Variants in ATG10 observed in about 807,000 individuals in gnomAD.
ATG10 encodes ubiquitin-like-conjugating enzyme ATG10.
Under a neutral mutation model 32.1 loss-of-function variants are expected in ATG10, and 30 were observed. That is an observed-to-expected ratio of 0.94 (90% CI 0.70 to 1.27). ATG10 has a LOEUF of 1.27. ATG10 is among the 50% of genes most tolerant of loss of function. The pLI is 0.00. For missense variants in ATG10, 233 were observed against 262.3 expected, an observed-to-expected ratio of 0.89 and a Z score of 0.77; for synonymous variants, 87 against 91.5, an observed-to-expected ratio of 0.95 and a Z score of 0.28.
At chr5:82,186,042 A>G (rs1479167970) in intron 5 of ATG10, among the ~76,000 whole-genome samples, 1 of 152,170 alleles carries the variant, frequency 6.6e-6, no homozygotes, top group Non-Finnish European at 1.5e-5. Context: ...AATTTAGTGC[A>G]CCTGGTAGTA....
At chr5:82,088,903 T>C (rs748990825) in intron 3 of ATG10, among the ~76,000 whole-genome samples, 3 of 152,204 alleles carry the variant, frequency 2.0e-5, no homozygotes, top group Admixed American at 6.5e-5. Context: ...CAAAGTCTAA[T>C]AAAATTCATT....
At chr5:82,065,592 G>A (rs1029807463) in intron 3 of ATG10, among the ~76,000 whole-genome samples, 2 of 151,888 alleles carry the variant, frequency 1.3e-5, no homozygotes, top group Non-Finnish European at 2.9e-5. Flanking sequence ...TCATAAATGG[G>A]TATTGATACT....
chr5:82,029,742 A>G (rs1417379724), intron 2 of ATG10, among the ~76,000 whole-genome samples: 1 of 152,156 alleles, frequency 6.6e-6, no homozygotes, highest in African/African-American at 2.4e-5. Context: ...AATAAATTAT[A>G]CTAACATTTT....
At chr5:82,010,174 A>AC in intron 2 of ATG10, 1 of 1,206,412 alleles carries the variant, frequency 8.3e-7, no homozygotes, top group Non-Finnish European at 1.2e-6. Context: ...GGTCTTGGAG[A>AC]ATGTTTCCAA....
At chr5:82,009,492 A>G (rs1171735942) in intron 2 of ATG10, 1 of 893,728 alleles carries the variant, frequency 1.1e-6, no homozygotes, top group East Asian at 2.4e-5. Context: ...AACTGCAGCG[A>G]GAGCACAAAG....
intron 5 of ATG10, among the ~76,000 whole-genome samples, chr5:82,232,261 T>C (rs1050582059): frequency 2.0e-5 from 3 of 152,162 alleles, no homozygotes; most frequent in African/African-American, 7.2e-5. Context: ...AGTAAAGAAT[T>C]AATGCTTGGA....
At chr5:82,123,524 T>TAAA (rs371845829) in intron 3 of ATG10, among the ~76,000 whole-genome samples, 1 of 138,412 alleles carries the variant, frequency 7.2e-6, no homozygotes, top group Non-Finnish European at 1.6e-5. Context: ...AAAATAAAAG[T>TAAA]AAAAAAAAAA....
At chr5:82,182,632 T>G (rs1744278976) in intron 5 of ATG10, among the ~76,000 whole-genome samples, 1 of 151,968 alleles carries the variant, frequency 6.6e-6, no homozygotes, top group South Asian at 2.1e-4. Context: ...AGTTGCAGAG[T>G]GTTTGATTCC....
intron 2 of ATG10, chr5:82,009,750 C>G (rs565521959): frequency 1.2e-6 from 2 of 1,604,110 alleles, no homozygotes; most frequent in African/African-American, 1.3e-5. Flanking sequence ...CTTGGCAGTG[C>G]AGATGAAAAA....
chr5:82,228,308 G>T (rs2150001968), intron 5 of ATG10, among the ~76,000 whole-genome samples: 1 of 151,476 alleles, frequency 6.6e-6, no homozygotes, highest in African/African-American at 2.4e-5. Context: ...TTATATATTT[G>T]CTTATCAAAT....
At chr5:82,220,453 G>C (rs1437868364) in intron 5 of ATG10, among the ~76,000 whole-genome samples, 2 of 151,990 alleles carry the variant, frequency 1.3e-5, no homozygotes, top group East Asian at 2.0e-4. Context: ...TAGTAGAGAT[G>C]GGGTTTCACT....
chr5:82,009,562 T>G, intron 2 of ATG10: 6 of 1,519,714 alleles, frequency 3.9e-6, no homozygotes, highest in Non-Finnish European at 5.4e-6. Flanking sequence ...ACAGAAGGAA[T>G]GGTCTGGTGG....
At chr5:82,073,182 G>A (rs1315559858) in intron 3 of ATG10, 1 of 152,122 alleles carries the variant, frequency 6.6e-6, no homozygotes, top group Non-Finnish European at 1.5e-5. Flanking sequence ...TTAAGACCTA[G>A]AACACTCCAC....
At chr5:82,006,041 T>C (rs1761978975) in intron 2 of ATG10, among the ~76,000 whole-genome samples, 1 of 152,166 alleles carries the variant, frequency 6.6e-6, no homozygotes, top group African/African-American at 2.4e-5. Flanking sequence ...CTAATTTATA[T>C]ATAGTAAAAA....
intron 2 of ATG10, among the ~76,000 whole-genome samples, chr5:82,038,490 G>C (rs1762998743): frequency 6.6e-6 from 1 of 152,328 alleles, no homozygotes; most frequent in Admixed American, 6.5e-5. Context: ...TGTGAAGCTG[G>C]TTAAAGCCTC....
At chr5:82,045,927 C>T (rs1407353973) in intron 2 of ATG10, among the ~76,000 whole-genome samples, 1 of 152,044 alleles carries the variant, frequency 6.6e-6, no homozygotes, top group Non-Finnish European at 1.5e-5. Flanking sequence ...CATATCCAGG[C>T]TCCATGGATA....
chr5:82,051,653 A>C (rs1367287386), intron 2 of ATG10, among the ~76,000 whole-genome samples: 1 of 152,088 alleles, frequency 6.6e-6, no homozygotes. Context: ...GGATCCTCTC[A>C]TGCATCTGGA....
Position 82,139,361 on chromosome 5 carries a change from G to T in ATG10, c.217-25038G>T, listed in dbSNP as rs557323226. Among the ~76,000 whole-genome samples, 75 of 148,660 alleles carry T rather than the reference G, an allele frequency of 5.0e-4. 1 individual carries two copies. The highest frequency in any genetic ancestry group is 3.5e-3 in the Middle Eastern group (1 of 286). On this transcript the variant is annotated intron_variant, in intron 3 of 7. Coordinates refer to ENST00000282185, the MANE Select transcript of ATG10 (RefSeq NM_031482.5). ...CTGCCCAGTCTGGAAAGTGAGGAGC[G>T]TCTCCGCCCGGCCCCCATCCCATCT...
intron 3 of ATG10, among the ~76,000 whole-genome samples, chr5:82,086,686 G>A (rs1265545046): frequency 1.3e-5 from 2 of 152,144 alleles, no homozygotes; most frequent in Non-Finnish European, 2.9e-5. Flanking sequence ...TGGTCAAAGT[G>A]AGTCTCAGGA....
Sources: gnomAD v4.1 joint callset for allele counts (sites outside exome capture counted in the v4.1 genomes callset) on GRCh38, gnomAD v4.1.1 for gene constraint, MANE v1.5 for transcripts, NCBI Gene and HGNC (gene_info 2026-07-23, HGNC 2026-07-21) for gene names.